PRR5L: variants seen among roughly 807,000 people sequenced by gnomAD.
PRR5L encodes the protein proline-rich protein 5-like.
PRR5L carries 21 observed loss-of-function variants against 36.4 expected under a neutral mutation model. The observed-to-expected ratio is 0.58, with a 90% CI of 0.41 to 0.83. The LOEUF (loss-of-function observed/expected upper bound fraction) is 0.83. PRR5L is among the 40% of genes least tolerant of loss of function. PRR5L has a pLI of 0.00. For synonymous variants in PRR5L, 188 were observed against 197.0 expected (o/e 0.95, Z 0.38); for missense variants, 381 against 473.3 (o/e 0.80, Z 1.81).
chr11:36,373,598 TA>T (rs560773054), intron 1 of PRR5L, among the ~76,000 whole-genome samples: 5,387 of 136,278 alleles, frequency 0.04, 100 homozygotes, highest in Non-Finnish European at 0.05. Context: ...GACTCTGTTT[TA>T]AAAAAAAAAA....
chr11:36,462,318 T>C, intron 8 of PRR5L, 24 bp from the exon 9 acceptor site: 1 of 1,482,214 alleles, frequency 6.7e-7, no homozygotes, highest in African/African-American at 1.4e-5. Flanking sequence ...CCAATAACAG[T>C]CTTTGCTGAT....
intron 7 of PRR5L, among the ~76,000 whole-genome samples, chr11:36,448,264 G>A (rs2458928): frequency 0.69 from 104,332 of 151,950 alleles, 36,541 homozygotes; most frequent in East Asian, 0.86. Flanking sequence ...ACCCTCATGC[G>A]CTCTGGTCCC....
In PRR5L at chr11:36,462,761, C is replaced by A; in HGVS notation, c.*25C>A. ...AGTCGCCACCCCTGGGCCTTTCCAT[C>A]TCCTGTTTTGCAACCAGGATGAGGA... On this transcript the variant is annotated 3_prime_UTR_variant, in exon 9 of 9. Coordinates refer to ENST00000530639, the MANE Select transcript of PRR5L (RefSeq NM_001160167.2). The A allele has an allele frequency of 6.6e-7, 1 of 1,511,378 alleles. No homozygotes were observed. The highest frequency in any genetic ancestry group is 2.5e-4 in the Middle Eastern group (1 of 3,972). The allele number at this position is 1,511,378 out of a possible 1,614,324, so 93.6% of individuals were successfully genotyped here. A position where few individuals can be genotyped will look rare whatever the true frequency, so the allele number is the denominator to read the frequency against.
At chr11:36,310,519 G>A (rs942907273) in intron 1 of PRR5L, among the ~76,000 whole-genome samples, 2 of 152,174 alleles carry the variant, frequency 1.3e-5, no homozygotes, top group African/African-American at 2.4e-5. Context: ...AAGGAAGTTA[G>A]GTGGGCAAGG....
At chr11:36,342,557 T>C (rs959608353) in intron 1 of PRR5L, among the ~76,000 whole-genome samples, 5 of 152,198 alleles carry the variant, frequency 3.3e-5, no homozygotes, top group Admixed American at 1.3e-4. Context: ...AATCCTGTTA[T>C]CTGAGCAGAG....
At chr11:36,332,858 C>T (rs1856733045) in intron 1 of PRR5L, among the ~76,000 whole-genome samples, 1 of 152,154 alleles carries the variant, frequency 6.6e-6, no homozygotes. Flanking sequence ...CAGGTGCTGG[C>T]ACTATACTTC....
intron 1 of PRR5L, among the ~76,000 whole-genome samples, chr11:36,342,177 A>G (rs150610263): frequency 2.0e-5 from 3 of 152,320 alleles, no homozygotes; most frequent in African/African-American, 4.8e-5. Flanking sequence ...TGAAGGCTCA[A>G]CTAAGGGTGA....
chr11:36,333,726 G>A (rs1856741527), intron 1 of PRR5L, among the ~76,000 whole-genome samples: 1 of 152,168 alleles, frequency 6.6e-6, no homozygotes, highest in Admixed American at 6.5e-5. Flanking sequence ...TGGGTGTGGG[G>A]TTGGGGATGA....
chr11:36,297,900 G>A (rs1856330257), intron 1 of PRR5L, among the ~76,000 whole-genome samples: 1 of 152,176 alleles, frequency 6.6e-6, no homozygotes, highest in Non-Finnish European at 1.5e-5. Flanking sequence ...CAGGGGGAAG[G>A]GGAAAAGAGA....
chr11:36,461,351 G>C (rs1229368928), intron 8 of PRR5L, among the ~76,000 whole-genome samples: 3 of 152,282 alleles, frequency 2.0e-5, no homozygotes, highest in African/African-American at 7.2e-5. Context: ...GGCCGGACGT[G>C]GTGGCTCACA....
At chr11:36,427,920 G>A (rs1039478191) in intron 4 of PRR5L, among the ~76,000 whole-genome samples, 1 of 152,210 alleles carries the variant, frequency 6.6e-6, no homozygotes, top group Non-Finnish European at 1.5e-5. Context: ...TAGTGGGCAG[G>A]TAACCCCAAG....
chr11:36,335,409 T>G (rs1590452851), intron 1 of PRR5L, among the ~76,000 whole-genome samples: 1 of 150,892 alleles, frequency 6.6e-6, no homozygotes, highest in African/African-American at 2.4e-5. Context: ...GGTGGCAGTG[T>G]GTGTGTGTGT....
At chr11:36,333,524 A>C (rs538541061) in intron 1 of PRR5L, among the ~76,000 whole-genome samples, 1 of 152,224 alleles carries the variant, frequency 6.6e-6, no homozygotes, top group Admixed American at 6.5e-5. Context: ...GCACAACCAT[A>C]CAACAGAATA....
At position 36,402,548 on chromosome 11, in the gene PRR5L, T is replaced by C. The variant is rs535324191; in HGVS notation, c.165-750T>C. Among the ~76,000 whole-genome samples, 4 of 152,332 alleles carry C rather than the reference T, an allele frequency of 2.6e-5. No individual in the cohort carries two copies. In the South Asian group the frequency reaches 8.3e-4, roughly 32 times the overall value. On this transcript the variant is annotated intron_variant, in intron 2 of 8. Transcript: ENST00000530639. The stretch of plus-strand genomic sequence containing the variant: ...GTGAGCCACTGTGCCCAGCCCATTA[T>C]GGATATTTTAAATGAATGGACACAG...
At chr11:36,373,606 A>AAG (rs1857219444) in intron 1 of PRR5L, among the ~76,000 whole-genome samples, 1 of 151,956 alleles carries the variant, frequency 6.6e-6, no homozygotes, top group African/African-American at 2.4e-5. Context: ...TTTAAAAAAA[A>AAG]AAAAAAAAGA....
chr11:36,426,042 G>A (rs1215785306), intron 4 of PRR5L: 1 of 152,268 alleles, frequency 6.6e-6, no homozygotes, highest in Non-Finnish European at 1.5e-5. Flanking sequence ...CCCCTTGCTA[G>A]ATGTTGAATG....
chr11:36,455,793 G>T (rs1186208830), intron 8 of PRR5L, among the ~76,000 whole-genome samples: 1 of 152,192 alleles, frequency 6.6e-6, no homozygotes, highest in African/African-American at 2.4e-5. Flanking sequence ...GGCCCAGCAG[G>T]CCTGACCTCC....
intron 8 of PRR5L, among the ~76,000 whole-genome samples, chr11:36,451,649 T>C (rs558677169): frequency 3.9e-5 from 6 of 152,220 alleles, no homozygotes; most frequent in Non-Finnish European, 7.3e-5. Context: ...GACATTAATC[T>C]TTCTGTATCT....
intron 1 of PRR5L, among the ~76,000 whole-genome samples, chr11:36,390,467 T>C (rs1857543745): frequency 2.0e-5 from 3 of 152,100 alleles, no homozygotes; most frequent in African/African-American, 7.2e-5. Flanking sequence ...GACATAAGCG[T>C]TGTGGGCTAT....
Sources: allele counts gnomAD v4.1 joint callset (sites outside exome capture counted in the v4.1 genomes callset), GRCh38; gene constraint gnomAD v4.1.1; transcripts MANE v1.5; gene names NCBI Gene and HGNC (gene_info 2026-07-23, HGNC 2026-07-21).